RTN4: variants seen among roughly 807,000 people sequenced by gnomAD.
RTN4 encodes the protein reticulon-4.
RTN4 carries 32 observed loss-of-function variants against 90.4 expected under a neutral mutation model. The ratio of observed to expected loss-of-function variants is 0.35; its 90% CI spans 0.27 to 0.48. RTN4 has a LOEUF of 0.48. Ranked by LOEUF, RTN4 falls within the 20% of genes least tolerant of loss-of-function variation. The pLI is 0.99. For missense variants in RTN4, 1,706 were observed against 1,430.2 expected (o/e 1.19, Z -3.11); for synonymous variants, 629 against 552.5 (o/e 1.14, Z -1.94).
chr2:54,980,768 T>C (rs1678056679), intron 5 of RTN4, among the ~76,000 whole-genome samples: 1 of 152,194 alleles, frequency 6.6e-6, no homozygotes, highest in South Asian at 2.1e-4. Context: ...ACAGACAGTA[T>C]TTCTTCTCAG....
intron 5 of RTN4, among the ~76,000 whole-genome samples, chr2:54,980,759 C>G (rs2919126): frequency 1.3e-5 from 2 of 152,148 alleles, no homozygotes; most frequent in African/African-American, 4.8e-5. Flanking sequence ...TTACTACTTA[C>G]AGACAGTATT....
At chr2:55,126,864 T>C in the RTN4 span, among the ~76,000 whole-genome samples, 1 of 152,176 alleles carries the variant, frequency 6.6e-6, no homozygotes, top group African/African-American at 2.4e-5. Context: ...AATGAAATCA[T>C]GTTCTTTGCA....
chr2:55,110,677 G>C (rs1378568879), intron 1 of RTN4, among the ~76,000 whole-genome samples: 1 of 152,158 alleles, frequency 6.6e-6, no homozygotes, highest in Admixed American at 6.5e-5. Flanking sequence ...TTAAATAAAT[G>C]TCAAGGGTGT....
intron 1 of RTN4, among the ~76,000 whole-genome samples, chr2:55,098,363 T>A (rs986609872): frequency 1.3e-5 from 2 of 152,102 alleles, no homozygotes; most frequent in African/African-American, 4.8e-5. Context: ...GCACTTAATT[T>A]TTAAAAACAT....
intron 3 of RTN4, among the ~76,000 whole-genome samples, chr2:55,004,853 A>AG (rs375703530): frequency 2.0e-5 from 3 of 152,088 alleles, no homozygotes; most frequent in Admixed American, 6.6e-5. Context: ...CCCTTCCCTT[A>AG]GGGGGGAAAA....
intron 3 of RTN4, among the ~76,000 whole-genome samples, chr2:54,997,534 A>C (rs1016745976): frequency 6.6e-6 from 1 of 152,214 alleles, no homozygotes; most frequent in Non-Finnish European, 1.5e-5. Flanking sequence ...GAAAACACAA[A>C]AACTTAACAC....
chr2:55,081,802 G>A (rs965762066), intron 1 of RTN4, among the ~76,000 whole-genome samples: 9 of 140,518 alleles, frequency 6.4e-5, no homozygotes, highest in Non-Finnish European at 1.5e-5. Context: ...GGTGCAGGTT[G>A]CATTGAGTTA....
intron 1 of RTN4, among the ~76,000 whole-genome samples, chr2:55,043,649 A>G (rs6759119): frequency 0.99 from 151,075 of 152,278 alleles, 74,943 homozygotes; most frequent in East Asian, 1. Context: ...ATTGTGGGAC[A>G]CCGAGGCAGG....
the RTN4 span, among the ~76,000 whole-genome samples, chr2:55,126,506 C>G: frequency 6.6e-6 from 1 of 152,134 alleles, no homozygotes; most frequent in African/African-American, 2.4e-5. Flanking sequence ...GAATGGCTAT[C>G]ACTAAAAAGT....
At chr2:55,061,367 T>C (rs1668288990) in intron 2 of RTN4, among the ~76,000 whole-genome samples, 1 of 152,158 alleles carries the variant, frequency 6.6e-6, no homozygotes, top group African/African-American at 2.4e-5. Flanking sequence ...TTTTCCTACA[T>C]AGCCAAAATA....
In RTN4 at chr2:54,987,623, G is replaced by A. The variant is rs1678672166; in HGVS notation, c.3089C>T (p.Ser1030Leu). 6.2e-7 allele frequency: 1 copy of A among 1,614,150 alleles called. No homozygotes were observed. Among genetic ancestry groups the A allele is most frequent in the South Asian group, 1.1e-5 (1 of 91,082 alleles). The change falls in exon 4 of 9, where the codon TCA becomes TTA. Residue 1030 changes from serine (S) to leucine (L), a missense_variant. Transcript: ENST00000337526. ...GCTCACAATGCTGAATACTGTCAAT[G>A]AAAGCAGCAGGAATAGGCTGGCACC... ...VFGASLFLLL[S>L]LTVFSIVSVT...
intron 3 of RTN4, among the ~76,000 whole-genome samples, chr2:55,019,479 C>G (rs1353182284): frequency 1.3e-5 from 2 of 152,190 alleles, no homozygotes; most frequent in Non-Finnish European, 2.9e-5. Flanking sequence ...TCAAAATTAA[C>G]ATAACCAGTG....
At chr2:55,042,125 A>T (rs1683115150) in intron 1 of RTN4, among the ~76,000 whole-genome samples, 1 of 152,150 alleles carries the variant, frequency 6.6e-6, no homozygotes, top group South Asian at 2.1e-4. Context: ...ACAATGTATT[A>T]GTTCACTAAT....
At chr2:55,135,424 C>A in the RTN4 span, among the ~76,000 whole-genome samples, 1 of 152,136 alleles carries the variant, frequency 6.6e-6, no homozygotes. Context: ...CCAGGCTGGT[C>A]TCAAACTCCT....
intron 4 of RTN4, among the ~76,000 whole-genome samples, chr2:54,983,883 CAG>C (rs1477925102): frequency 6.6e-6 from 1 of 152,208 alleles, no homozygotes; most frequent in African/African-American, 2.4e-5. Context: ...ATTTGAGAAA[CAG>C]ACTTTCCTCA....
rs1677087491 is a variant in RTN4, at chr2:54,972,262, A to C, written c.*894T>G. 1 of 152,706 alleles carries C rather than the reference A, an allele frequency of 6.5e-6. No individual in the cohort carries two copies. Among genetic ancestry groups the C allele is most frequent in the Admixed American group, 6.5e-5 (1 of 15,290 alleles). The allele number at this position is 152,706 out of a possible 1,614,324, so 9.5% of individuals were successfully genotyped here. A position where few individuals can be genotyped will look rare whatever the true frequency, so the allele number is the denominator to read the frequency against. ...GCATTCCACAGATTTAGTTCAGTAC[A>C]GCTTAAACCACAATGGTATAAATCT... On this transcript the variant is annotated 3_prime_UTR_variant, in exon 9 of 9. Transcript: ENST00000337526.
At chr2:55,087,767 T>C (rs1426430964) in intron 1 of RTN4, among the ~76,000 whole-genome samples, 4 of 152,168 alleles carry the variant, frequency 2.6e-5, no homozygotes, top group Non-Finnish European at 5.9e-5. Context: ...CTTTCCAAAA[T>C]TGTTGTACCA....
Position 55,049,112 on chromosome 2 carries a change from A to T in RTN4, c.556+633T>A, listed in dbSNP as rs1667945570. The T allele has an allele frequency of 9.1e-6, 9 of 985,618 alleles. No homozygotes were observed. The South Asian group carries it at 4.2e-4, about 46-fold the overall frequency. The allele number at this position is 985,618 out of a possible 1,614,324, so 61.1% of individuals were successfully genotyped here. On this transcript the variant is annotated intron_variant, in intron 1 of 8. Transcript: ENST00000337526. ...TCTCCTTCCCATTTCTCCACGCACC[A>T]CACCACTGGAGGCGCTCTCCCTTCA...
Position 55,026,990 on chromosome 2 carries a change from T to C in RTN4, c.1109A>G (p.Asn370Ser). The change falls in exon 3 of 9, where the codon AAT (asparagine) becomes AGT (serine). Residue 370 changes from asparagine (N) to serine (S), a missense_variant. Coordinates refer to ENST00000337526, the MANE Select transcript of RTN4 (RefSeq NM_020532.5). ...VSSEKAKDSF[N>S]EKRVAVEAPM... is the part of the protein sequence containing the mutation. ...AGCTTCCACTGCAACTCTCTTTTCA[T>C]TAAAACTGTCTTTTGCTTTTTCTGA... The C allele has an allele frequency of 6.2e-7, 1 of 1,613,510 alleles. No homozygotes were observed. Among genetic ancestry groups the C allele is most frequent in the Non-Finnish European group, 8.5e-7 (1 of 1,179,884 alleles).
Sources: gnomAD v4.1 joint callset for allele counts (sites outside exome capture counted in the v4.1 genomes callset) on GRCh38, gnomAD v4.1.1 for gene constraint, MANE v1.5 for transcripts, NCBI Gene and HGNC (gene_info 2026-07-23, HGNC 2026-07-21) for gene names.